Variants in KIT observed in about 807,000 individuals in gnomAD.
The protein encoded by KIT is mast/stem cell growth factor receptor Kit.
KIT carries 16 observed loss-of-function variants against 105.7 expected under a neutral mutation model. That is an observed-to-expected ratio of 0.15 (90% confidence interval 0.10 to 0.23). The LOEUF (loss-of-function observed/expected upper bound fraction) is 0.23. Among genes scored for constraint, KIT ranks in the 10% least tolerant of loss-of-function variants. The probability of loss-of-function intolerance (pLI) is 1.00; values close to 1 mark genes in which losing one functional copy is unlikely to be tolerated. For missense variants in KIT, 858 were observed against 1,213.8 expected (o/e 0.71, Z 4.36); for synonymous variants, 438 against 441.1 (o/e 0.99, Z 0.09).
rs1204740331 is a variant in KIT, at chr4:54,740,573, T to TTA, written c.*2023_*2024dup. On this transcript the variant is annotated 3_prime_UTR_variant, in exon 21 of 21. Transcript: ENST00000288135. The stretch of plus-strand genomic sequence containing the variant: ...GCCCATGAGTCCTTGAAAATATTTT[T>TTA]TATATATACAGTAACTTTATGTGTA... 1 of 233,014 alleles carries TTA rather than the reference T, an allele frequency of 4.3e-6. No individual in the cohort carries two copies. The highest frequency in any genetic ancestry group is 8.5e-6 in the Non-Finnish European group (1 of 117,738). The allele number at this position is 233,014 out of a possible 1,614,324, so 14.4% of individuals were successfully genotyped here.
At chr4:54,711,039 A>C (rs1721129502) in intron 7 of KIT, among the ~76,000 whole-genome samples, 1 of 152,098 alleles carries the variant, frequency 6.6e-6, no homozygotes, top group Admixed American at 6.5e-5. Flanking sequence ...ACCACCACGC[A>C]CAGCTAATTT....
Position 54,736,817 on chromosome 4 carries a change from A to T in KIT, c.2693A>T (p.Glu898Val). ...CTCAGCCCTGAACACGCACCTGCTG[A>T]AATGTAAGAGCCAAAAAATTTTTCC... ...RMLSPEHAPA[E>V]MYDIMKTCWD... Residue 898 changes from glutamate (E) to valine (V), a missense_variant, in exon 19 of 21, where the codon GAA becomes GTA. Physicochemically the swap from Glu to Val is moderately radical, Grantham distance 121. Transcript: ENST00000288135. 1 of 1,613,842 alleles carries T rather than the reference A, an allele frequency of 6.2e-7. No homozygotes were observed. The highest frequency in any genetic ancestry group is 8.5e-7 in the Non-Finnish European group (1 of 1,179,724).
chr4:54,682,323 A>G (rs1205786545), intron 1 of KIT, among the ~76,000 whole-genome samples: 2 of 152,124 alleles, frequency 1.3e-5, no homozygotes, highest in African/African-American at 4.8e-5. Context: ...CTCCTGGGTA[A>G]GCAATCCTCC....
At chr4:54,680,660 T>G (rs1351028589) in intron 1 of KIT, among the ~76,000 whole-genome samples, 1 of 152,146 alleles carries the variant, frequency 6.6e-6, no homozygotes, top group African/African-American at 2.4e-5. Context: ...CCCAAAGTGC[T>G]GGGATTACAG....
intron 16 of KIT, 120 bp downstream of exon 16, chr4:54,732,118 T>G: frequency 8.6e-7 from 1 of 1,159,050 alleles, no homozygotes; most frequent in Non-Finnish European, 1.2e-6. Flanking sequence ...AATGTCATTT[T>G]GAAGTGTGGT....
At chr4:54,699,580 T>G (rs780633083) in intron 3 of KIT, 50 bp from the exon 4 acceptor site, 1 of 1,606,754 alleles carries the variant, frequency 6.2e-7, no homozygotes, top group African/African-American at 1.3e-5. Context: ...AATCAAAATT[T>G]CATGCTATAA....
At chr4:54,681,828 C>T (rs1203274909) in intron 1 of KIT, among the ~76,000 whole-genome samples, 2 of 151,856 alleles carry the variant, frequency 1.3e-5, no homozygotes, top group Non-Finnish European at 1.5e-5. Context: ...TCACCTGAGG[C>T]CAGGAGTTCG....
chr4:54,699,367 T>G (rs566648842), intron 3 of KIT, among the ~76,000 whole-genome samples: 1 of 152,208 alleles, frequency 6.6e-6, no homozygotes, highest in South Asian at 2.1e-4. Flanking sequence ...GGGCTTCTAC[T>G]TGGTTTGGAA....
chr4:54,677,074 G>A (rs1718532825), intron 1 of KIT, among the ~76,000 whole-genome samples: 1 of 152,116 alleles, frequency 6.6e-6, no homozygotes, highest in African/African-American at 2.4e-5. Flanking sequence ...ATGGGTGAGG[G>A]GTGGGGAATT....
chr4:54,707,077 G>A, intron 5 of KIT, 21 bp from the exon 6 acceptor site: 1 of 1,365,284 alleles, frequency 7.3e-7, no homozygotes, highest in Non-Finnish European at 1.0e-6. Flanking sequence ...GTTTCTTTCT[G>A]TCTTATTTCA....
At chr4:54,720,160 C>T (rs555093370) in intron 7 of KIT, among the ~76,000 whole-genome samples, 4 of 152,138 alleles carry the variant, frequency 2.6e-5, no homozygotes, top group African/African-American at 9.6e-5. Context: ...CTGGGTTATA[C>T]CCTCAGCTTA....
rs1016976398 is a variant in KIT, at chr4:54,727,468, A to G, written c.1700A>G (p.Asn567Ser). The G allele has an allele frequency of 1.2e-6, 2 of 1,613,930 alleles. No individual in the cohort carries two copies. The highest frequency in any genetic ancestry group is 1.7e-6 in the Non-Finnish European group (2 of 1,179,840). The change falls in exon 11 of 21, where the codon AAT (asparagine) becomes AGT (serine). Residue 567 changes from asparagine (N) to serine (S), a missense_variant. By Grantham distance (46) the Asn-to-Ser change is conservative. Around this residue, in one of 7 missense-constraint regions of KIT, gnomAD observed 78 missense variants for 77.6 expected, o/e 1.01. Coordinates refer to ENST00000288135, the MANE Select transcript of KIT (RefSeq NM_000222.3). The stretch of plus-strand genomic sequence containing the variant: ...GTTGTTGAGGAGATAAATGGAAACA[A>G]TTATGTTTACATAGACCCAACACAA... Reference protein sequence around the residue: ...WKVVEEINGNNYVYIDPTQLP... With the variant: ...WKVVEEINGNSYVYIDPTQLP...
chr4:54,679,075 A>G (rs1170718381), intron 1 of KIT, among the ~76,000 whole-genome samples: 2 of 152,156 alleles, frequency 1.3e-5, no homozygotes, highest in East Asian at 3.9e-4. Flanking sequence ...TTGTCCCTCT[A>G]GAGCTGAGGG....
chr4:54,715,680 C>T (rs575009194), intron 7 of KIT, among the ~76,000 whole-genome samples: 4 of 152,242 alleles, frequency 2.6e-5, no homozygotes, highest in African/African-American at 7.2e-5. Flanking sequence ...GACCCAGACA[C>T]CTCCCATCAG....
chr4:54,733,735 C>T (rs1722743498), intron 17 of KIT, among the ~76,000 whole-genome samples: 1 of 152,084 alleles, frequency 6.6e-6, no homozygotes. Flanking sequence ...AGAACAAACC[C>T]TTGTCCTATA....
rs201478003 is a variant in KIT at position 54,731,823 on chromosome 4, T to C, written c.2234-48T>C. 96 of 1,606,274 alleles carry C rather than the reference T, an allele frequency of 6.0e-5. No homozygotes were observed. In the African/African-American group the frequency reaches 1.0e-3, roughly 17 times the overall value. ...TCATTGCCACTGTCTTTTCCTTTCC[T>C]GACCTTTATGGTTGTAATTGCTAAG... On this transcript the variant is annotated intron_variant, in intron 15 of 20. Coordinates refer to ENST00000288135, the MANE Select transcript of KIT (RefSeq NM_000222.3).
chr4:54,666,788 C>G (rs1002272608), intron 1 of KIT, among the ~76,000 whole-genome samples: 1 of 152,144 alleles, frequency 6.6e-6, no homozygotes, highest in South Asian at 2.1e-4. Flanking sequence ...AATAACCAAC[C>G]GTTTTTCTTT....
At chr4:54,673,560 C>T (rs1320411272) in intron 1 of KIT, among the ~76,000 whole-genome samples, 2 of 152,148 alleles carry the variant, frequency 1.3e-5, no homozygotes, top group South Asian at 4.1e-4. Context: ...TGCTGTTCTT[C>T]ATAGCTTCTT....
chr4:54,722,548 A>G (rs1404528230), intron 7 of KIT, among the ~76,000 whole-genome samples: 10 of 152,074 alleles, frequency 6.6e-5, no homozygotes, highest in African/African-American at 9.7e-5. Flanking sequence ...GGCACAATCA[A>G]TGCTATTCTT....
Sources: allele counts gnomAD v4.1 joint callset (sites outside exome capture counted in the v4.1 genomes callset), GRCh38; gene constraint gnomAD v4.1.1; regional missense constraint gnomAD v4.1.1; transcripts MANE v1.5; gene names NCBI Gene and HGNC (gene_info 2026-07-23, HGNC 2026-07-21).